The following DEPTOR variants were observed in gnomAD, a reference collection of about 807,000 sequenced individuals.
The protein encoded by DEPTOR is DEP domain containing MTOR interacting protein, also known as DEP domain-containing mTOR-interacting protein.
In DEPTOR, 41 loss-of-function variants were observed where a neutral mutation model predicts 41.6. That is an observed-to-expected ratio of 0.98 (90% confidence interval 0.77 to 1.28). The LOEUF (loss-of-function observed/expected upper bound fraction) is 1.28, where lower values mean the gene tolerates loss of function less well. Ranked by LOEUF, DEPTOR falls within the 50% of genes most tolerant of loss-of-function variation. DEPTOR has a pLI of 0.00. For missense variants in DEPTOR, 514 were observed against 527.9 expected (o/e 0.97, Z 0.26); for synonymous variants, 195 against 192.3 (o/e 1.01, Z -0.12).
chr8:120,019,133 C>T (rs534748454), intron 8 of DEPTOR, among the ~76,000 whole-genome samples: 4 of 152,084 alleles, frequency 2.6e-5, no homozygotes, highest in South Asian at 2.1e-4. Context: ...GGCGAAACCC[C>T]GTCTCTACTG....
intron 4 of DEPTOR, among the ~76,000 whole-genome samples, chr8:119,966,974 C>G (rs962247967): frequency 1.1e-4 from 17 of 152,210 alleles, no homozygotes; most frequent in African/African-American, 3.9e-4. Context: ...AGCAGCCCAA[C>G]AAGGCCTGTC....
At chr8:119,977,669 A>G (rs1164175594) in intron 4 of DEPTOR, among the ~76,000 whole-genome samples, 3 of 152,230 alleles carry the variant, frequency 2.0e-5, no homozygotes, top group African/African-American at 7.2e-5. Flanking sequence ...ACATTGGCAC[A>G]CAATAAAGTA....
At chr8:120,043,535 A>G (rs981762463) in intron 8 of DEPTOR, among the ~76,000 whole-genome samples, 1 of 152,182 alleles carries the variant, frequency 6.6e-6, no homozygotes, top group Non-Finnish European at 1.5e-5. Context: ...GTTAAAGAGA[A>G]GAAACGTTTG....
intron 8 of DEPTOR, among the ~76,000 whole-genome samples, chr8:120,025,857 C>T (rs1217191522): frequency 2.0e-5 from 3 of 151,980 alleles, no homozygotes; most frequent in Non-Finnish European, 4.4e-5. Context: ...TGAGATCCAT[C>T]ATTGGTTTCC....
intron 8 of DEPTOR, among the ~76,000 whole-genome samples, chr8:120,022,205 G>A (rs544912850): frequency 5.7e-4 from 80 of 139,838 alleles, no homozygotes; most frequent in Non-Finnish European, 1.0e-3. Context: ...GATACGCTTT[G>A]ATTTCAGAGT....
At chr8:120,024,108 G>A (rs186639688) in intron 8 of DEPTOR, among the ~76,000 whole-genome samples, 1 of 152,262 alleles carries the variant, frequency 6.6e-6, no homozygotes, top group East Asian at 1.9e-4. Flanking sequence ...ATGGTGGCAT[G>A]AACCTGTAGT....
At chr8:119,887,611 T>C (rs1827389904) in intron 1 of DEPTOR, among the ~76,000 whole-genome samples, 1 of 149,128 alleles carries the variant, frequency 6.7e-6, no homozygotes, top group Non-Finnish European at 1.5e-5. Flanking sequence ...GTGATTCTCC[T>C]GCTTCAGCCT....
intron 4 of DEPTOR, among the ~76,000 whole-genome samples, chr8:119,991,520 G>A (rs1018706475): frequency 6.6e-6 from 1 of 152,120 alleles, no homozygotes; most frequent in Non-Finnish European, 1.5e-5. Context: ...GTTTTGCTGA[G>A]TTGGCCAGGC....
chr8:120,002,791 A>AAAAAAATATATATAT lies in DEPTOR; in HGVS notation c.791-185_791-184insAAAAATATATATATA. 2.5e-4 allele frequency among the ~76,000 whole-genome samples: 15 copies of AAAAAAATATATATAT among 60,668 alleles called. 1 individual carries two copies. The highest frequency in any genetic ancestry group is 3.2e-4 in the Non-Finnish European group (11 of 34,806). The allele number at this position is 60,668 out of a possible 152,430, so 39.8% of individuals were successfully genotyped here. ...GACTCCATCTCAAAAAAAAAAAAAA[A>AAAAAAATATATATAT]ATATATATATATATATATATAATAT... On this transcript the variant is annotated intron_variant, in intron 5 of 8. Transcript: ENST00000286234.
chr8:120,040,518 CT>C, intron 8 of DEPTOR, among the ~76,000 whole-genome samples: 1 of 152,118 alleles, frequency 6.6e-6, no homozygotes. Context: ...TTTGGTAGGT[CT>C]TGGATAAGAT....
chr8:119,976,018 C>T (rs1012174818), intron 4 of DEPTOR, among the ~76,000 whole-genome samples: 2 of 151,492 alleles, frequency 1.3e-5, no homozygotes, highest in Non-Finnish European at 2.9e-5. Context: ...TGTGCCACCA[C>T]ACTGGGCTAA....
rs542393739 is a variant in DEPTOR, at chr8:119,904,739, A to G, written c.123-23661A>G. On this transcript the variant is annotated intron_variant, in intron 1 of 8. Coordinates refer to ENST00000286234, the MANE Select transcript of DEPTOR (RefSeq NM_022783.4). ...TCGAACTCCTGACCTCAGGTGATCC[A>G]CCTACCTCGGCCTCCCAAAGTGCTG... Among the ~76,000 whole-genome samples the G allele has an allele frequency of 7.3e-5, 11 of 151,480 alleles. No homozygotes were observed. In the East Asian group the frequency reaches 1.8e-3, roughly 24 times the overall value.
chr8:119,928,658 G>T (rs1827999514), intron 2 of DEPTOR, 80 bp downstream of exon 2: 2 of 1,457,704 alleles, frequency 1.4e-6, no homozygotes, highest in East Asian at 2.5e-5. Flanking sequence ...ACTTAAGAAA[G>T]AAAACATTTT....
At chr8:119,921,088 C>T (rs144437018) in intron 1 of DEPTOR, among the ~76,000 whole-genome samples, 101 of 152,186 alleles carry the variant, frequency 6.6e-4, no homozygotes, top group Admixed American at 3.3e-3. Flanking sequence ...GGGATCCTCC[C>T]GCCTCAGCCG....
chr8:119,897,612 G>A (rs1827538025), intron 1 of DEPTOR, among the ~76,000 whole-genome samples: 1 of 152,178 alleles, frequency 6.6e-6, no homozygotes, highest in South Asian at 2.1e-4. Flanking sequence ...TGTAAGCACT[G>A]GATAATTAAT....
chr8:119,890,448 G>A (rs761862305), intron 1 of DEPTOR, among the ~76,000 whole-genome samples: 26 of 151,786 alleles, frequency 1.7e-4, no homozygotes, highest in Non-Finnish European at 2.9e-4. Context: ...GATTACATGC[G>A]CCCGCCACCA....
intron 3 of DEPTOR, among the ~76,000 whole-genome samples, chr8:119,954,598 C>G (rs1828394077): frequency 6.6e-6 from 1 of 152,172 alleles, no homozygotes; most frequent in South Asian, 2.1e-4. Flanking sequence ...CACATCTATT[C>G]CCAGGTTACA....
intron 1 of DEPTOR, among the ~76,000 whole-genome samples, chr8:119,915,666 T>C (rs1477364175): frequency 6.6e-6 from 1 of 152,240 alleles, no homozygotes; most frequent in East Asian, 1.9e-4. Context: ...AACAGTGATA[T>C]TGGCAAGGAC....
intron 1 of DEPTOR, among the ~76,000 whole-genome samples, chr8:119,895,351 C>A (rs1327580884): frequency 6.6e-6 from 1 of 152,206 alleles, no homozygotes; most frequent in Non-Finnish European, 1.5e-5. Context: ...AATACCACAA[C>A]ATTTTATGGT....
Sources: gnomAD v4.1 joint callset for allele counts (sites outside exome capture counted in the v4.1 genomes callset) on GRCh38, gnomAD v4.1.1 for gene constraint, MANE v1.5 for transcripts, NCBI Gene and HGNC (gene_info 2026-07-23, HGNC 2026-07-21) for gene names.